Variants in ADAMTS18 observed in about 807,000 individuals in gnomAD.
ADAMTS18 encodes the protein ADAM metallopeptidase with thrombospondin type 1 motif 18, also known as A disintegrin and metalloproteinase with thrombospondin motifs 18.
Under a neutral mutation model 165.9 loss-of-function variants are expected in ADAMTS18, and 157 were observed. The ratio of observed to expected loss-of-function variants is 0.95; its 90% CI spans 0.83 to 1.08. ADAMTS18 has a LOEUF of 1.08. ADAMTS18 is among the 50% of genes least tolerant of loss of function. The pLI is 0.00. For missense variants in ADAMTS18, 2,040 were observed against 1,534.0 expected (o/e 1.33, Z -5.51); for synonymous variants, 782 against 578.2 (o/e 1.35, Z -5.06).
At chr16:77,364,102 T>G in intron 5 of ADAMTS18, 86 bp downstream of exon 5, 1 of 1,545,896 alleles carries the variant, frequency 6.5e-7, no homozygotes, top group Non-Finnish European at 8.9e-7. Context: ...ACCGACCTAA[T>G]ACACCTGCTA....
intron 10 of ADAMTS18, among the ~76,000 whole-genome samples, chr16:77,343,189 T>C (rs944259223): frequency 6.6e-6 from 1 of 151,664 alleles, no homozygotes; most frequent in African/African-American, 2.4e-5. Context: ...TATCCCTGCC[T>C]CAGCCTCCTG....
chr16:77,431,205 C>T (rs748760720), intron 3 of ADAMTS18, 90 bp downstream of exon 3: 10 of 1,405,164 alleles, frequency 7.1e-6, no homozygotes, highest in South Asian at 5.9e-5. Context: ...GTGGAGTTGG[C>T]TGGAAGAGCA....
intron 3 of ADAMTS18, among the ~76,000 whole-genome samples, chr16:77,419,899 C>T (rs1055206136): frequency 1.1e-4 from 17 of 149,614 alleles, no homozygotes; most frequent in Non-Finnish European, 7.4e-5. Context: ...CTTGGGAGGC[C>T]GAGGCAGGAG....
At chr16:77,401,801 G>A (rs1214727989) in intron 3 of ADAMTS18, among the ~76,000 whole-genome samples, 1 of 152,146 alleles carries the variant, frequency 6.6e-6, no homozygotes, top group African/African-American at 2.4e-5. Context: ...GGATGAATTT[G>A]ATCTCTCTCT....
intron 16 of ADAMTS18, among the ~76,000 whole-genome samples, chr16:77,300,992 T>C (rs573058492): frequency 2.2e-4 from 34 of 152,304 alleles, no homozygotes; most frequent in African/African-American, 7.9e-4. Flanking sequence ...ATACTTTCCA[T>C]AGAAAATTTT....
Position 77,282,465 on chromosome 16 carries a change from C to G in ADAMTS18, c.*1491G>C, listed in dbSNP as rs776705239. 11 of 152,296 alleles carry G rather than the reference C, an allele frequency of 7.2e-5. No homozygotes were observed. The highest frequency in any genetic ancestry group is 1.3e-4 in the Admixed American group (2 of 15,254). The allele number at this position is 152,296 out of a possible 1,614,324, so 9.4% of individuals were successfully genotyped here. ...AGAGAAGTTCCTAAGCATTATTTCT[C>G]TGGGATTCAAGAACTCATGACTTTA... On this transcript the variant is annotated 3_prime_UTR_variant, in exon 23 of 23. Coordinates refer to ENST00000282849, the MANE Select transcript of ADAMTS18 (RefSeq NM_199355.4).
intron 2 of ADAMTS18, among the ~76,000 whole-genome samples, chr16:77,432,139 A>G (rs2057747817): frequency 6.6e-6 from 1 of 152,176 alleles, no homozygotes; most frequent in Admixed American, 6.5e-5. Context: ...CTCAGATGAT[A>G]TTTCAGATCA....
rs536359015 is a variant in ADAMTS18 at position 77,386,851 on chromosome 16, T to G, written c.496-19128A>C. On this transcript the variant is annotated intron_variant, in intron 3 of 22. Transcript: ENST00000282849. ...CAAATATGAGAAAACATGAGGAAAG[T>G]TGGAATAGAAGCATAGTTTATTTAA... 7.2e-5 allele frequency among the ~76,000 whole-genome samples: 11 copies of G among 152,218 alleles called. No individual in the cohort carries two copies. In the East Asian group the frequency reaches 1.7e-3, roughly 24 times the overall value.
intron 11 of ADAMTS18, among the ~76,000 whole-genome samples, chr16:77,341,000 A>G (rs1367519607): frequency 1.3e-5 from 2 of 152,128 alleles, no homozygotes; most frequent in African/African-American, 2.4e-5. Flanking sequence ...CTCCTCTTTG[A>G]TTGGCCTTTC....
chr16:77,362,969 C>A (rs970043470), intron 6 of ADAMTS18, among the ~76,000 whole-genome samples: 1 of 152,188 alleles, frequency 6.6e-6, no homozygotes, highest in South Asian at 2.1e-4. Flanking sequence ...TTCCAAAAAC[C>A]ATTTGACAAG....
chr16:77,390,617 C>A (rs997008313), intron 3 of ADAMTS18, among the ~76,000 whole-genome samples: 5 of 151,628 alleles, frequency 3.3e-5, no homozygotes, highest in African/African-American at 9.7e-5. Context: ...CTGAACCCGG[C>A]AGACGGAGGT....
At position 77,367,630 on chromosome 16, in the gene ADAMTS18, G is replaced by A; in HGVS notation, c.589C>T (p.His197Tyr). The change falls in exon 4 of 23, where the codon CAC (histidine) becomes TAC (tyrosine). Residue 197 changes from histidine (H) to tyrosine (Y), a missense_variant. Coordinates refer to ENST00000282849, the MANE Select transcript of ADAMTS18 (RefSeq NM_199355.4). Reference protein sequence around the residue: ...QEHNYSSPAGHHPHVLYKRTA... With the variant: ...QEHNYSSPAGYHPHVLYKRTA... ...CTTTTGTACAGTACGTGAGGATGGT[G>A]ACCCGCAGGGGAGCTGTAGTTGTGT... 6.2e-7 allele frequency: 1 copy of A among 1,614,166 alleles called. No homozygotes were observed. Among genetic ancestry groups the A allele is most frequent in the African/African-American group, 1.3e-5 (1 of 75,056 alleles).
At chr16:77,312,670 A>G (rs2055805495) in intron 16 of ADAMTS18, among the ~76,000 whole-genome samples, 1 of 152,214 alleles carries the variant, frequency 6.6e-6, no homozygotes, top group Admixed American at 6.5e-5. Context: ...ATAAAGTACG[A>G]ATATGCAGCC....
intron 10 of ADAMTS18, among the ~76,000 whole-genome samples, chr16:77,348,294 TC>T (rs1175918466): frequency 6.6e-6 from 1 of 152,128 alleles, no homozygotes; most frequent in African/African-American, 2.4e-5. Flanking sequence ...TTACTGATAA[TC>T]ATGAATTGGG....
intron 3 of ADAMTS18, among the ~76,000 whole-genome samples, chr16:77,424,484 A>G (rs2057646413): frequency 1.3e-5 from 2 of 151,188 alleles, no homozygotes; most frequent in Non-Finnish European, 3.0e-5. Context: ...AAAAAAAAAA[A>G]GCAAGCAACA....
intron 3 of ADAMTS18, among the ~76,000 whole-genome samples, chr16:77,423,930 G>A (rs2057637245): frequency 6.6e-6 from 1 of 152,116 alleles, no homozygotes; most frequent in South Asian, 2.1e-4. Context: ...TGTGTGTTGT[G>A]GGTGACTTCA....
chr16:77,355,235 T>TGTG (rs1555517734), intron 9 of ADAMTS18, among the ~76,000 whole-genome samples: 1 of 151,884 alleles, frequency 6.6e-6, no homozygotes, highest in African/African-American at 2.4e-5. Flanking sequence ...TGTGTGTGTA[T>TGTG]TTCAACTTTG....
At chr16:77,303,382 A>G (rs970082361) in intron 16 of ADAMTS18, among the ~76,000 whole-genome samples, 1 of 152,196 alleles carries the variant, frequency 6.6e-6, no homozygotes, top group Non-Finnish European at 1.5e-5. Context: ...AGAGTATATC[A>G]ATGTCTAACT....
At chr16:77,366,172 C>G (rs941124485) in intron 4 of ADAMTS18, among the ~76,000 whole-genome samples, 2 of 151,944 alleles carry the variant, frequency 1.3e-5, no homozygotes, top group African/African-American at 4.8e-5. Flanking sequence ...CTTCTTCTGG[C>G]TGTGGTATCC....
Sources: gnomAD v4.1 joint callset for allele counts (sites outside exome capture counted in the v4.1 genomes callset) on GRCh38, gnomAD v4.1.1 for gene constraint, MANE v1.5 for transcripts, NCBI Gene and HGNC (gene_info 2026-07-23, HGNC 2026-07-21) for gene names.